Variants in NFATC3 observed in about 807,000 individuals in gnomAD.
The protein encoded by NFATC3 is nuclear factor of activated T-cells, cytoplasmic 3.
Under a neutral mutation model 98.6 loss-of-function variants are expected in NFATC3, and 46 were observed. That is an observed-to-expected ratio of 0.47 (90% CI 0.37 to 0.60). The LOEUF is 0.60. NFATC3 is among the 20% of genes least tolerant of loss of function. NFATC3 has a pLI of 0.00. For missense variants in NFATC3, 1,256 were observed against 1,295.5 expected (o/e 0.97, Z 0.47); for synonymous variants, 512 against 472.2 (o/e 1.08, Z -1.09).
chr16:68,107,830 C>CT (rs1305466787), intron 1 of NFATC3, among the ~76,000 whole-genome samples: 5 of 151,102 alleles, frequency 3.3e-5, no homozygotes, highest in Non-Finnish European at 3.0e-5. Context: ...TGATGTTGAG[C>CT]TTTTTTTATG....
At chr16:68,168,125 G>T (rs868857320) in intron 5 of NFATC3, among the ~76,000 whole-genome samples, 1 of 147,602 alleles carries the variant, frequency 6.8e-6, no homozygotes, top group Non-Finnish European at 1.5e-5. Context: ...GAGCCACTGC[G>T]CCCGGCCAAA....
rs759491109 is a variant in NFATC3 at position 68,122,925 on chromosome 16, G to A, written c.1042G>A (p.Ala348Thr). The change falls in exon 2 of 10, where the codon GCT (alanine) becomes ACT (threonine). Residue 348 changes from alanine (A) to threonine (T), a missense_variant. Ala to Thr is a moderately conservative substitution (Grantham distance 58). This residue lies in a region of NFATC3 where 464 missense variants were observed against 465.7 expected (regional missense o/e 1.00). Transcript: ENST00000346183. ...AACAAGGAAAACTTCTGAAGATCAA[G>A]CTGCCATACTACCAGGAAAATTAGA... ...LKTRKTSEDQ[A>T]AILPGKLELC... 1.2e-4 allele frequency: 190 copies of A among 1,614,050 alleles called. 2 individuals carry two copies. The South Asian group carries it at 2.0e-3, about 17-fold the overall frequency.
chr16:68,097,528 G>GA (rs1476231174), intron 1 of NFATC3, among the ~76,000 whole-genome samples: 1 of 152,212 alleles, frequency 6.6e-6, no homozygotes, highest in Admixed American at 6.5e-5. Flanking sequence ...GGGCATGGAT[G>GA]AAGTCACTGC....
chr16:68,098,892 TA>T (rs1307285445), intron 1 of NFATC3, among the ~76,000 whole-genome samples: 3 of 152,196 alleles, frequency 2.0e-5, no homozygotes, highest in Non-Finnish European at 2.9e-5. Context: ...TTGAAATAAT[TA>T]ATAGATCCAC....
chr16:68,157,751 A>G (rs1056028748), intron 3 of NFATC3, 118 bp from the exon 4 acceptor site: 2 of 754,674 alleles, frequency 2.7e-6, no homozygotes, highest in African/African-American at 3.7e-5. Context: ...ATTTTTTGAA[A>G]TAACATTTTG....
At chr16:68,170,678 A>C (rs2039419293) in intron 5 of NFATC3, among the ~76,000 whole-genome samples, 1 of 151,952 alleles carries the variant, frequency 6.6e-6, no homozygotes, top group African/African-American at 2.4e-5. Flanking sequence ...TTTTTAGTAG[A>C]GATGGGGTTT....
chr16:68,113,263 G>A (rs972649591), intron 1 of NFATC3, among the ~76,000 whole-genome samples: 15 of 152,066 alleles, frequency 9.9e-5, no homozygotes, highest in African/African-American at 2.9e-4. Flanking sequence ...CTTTGGATAG[G>A]GTTTTTGTGG....
At chr16:68,218,956 C>T (rs142355524) in intron 9 of NFATC3, among the ~76,000 whole-genome samples, 3 of 151,628 alleles carry the variant, frequency 2.0e-5, no homozygotes, top group African/African-American at 7.2e-5. Context: ...AACAACATCT[C>T]GGCTGGGCAC....
At chr16:68,105,814 A>ATC (rs779160428) in intron 1 of NFATC3, among the ~76,000 whole-genome samples, 5 of 152,062 alleles carry the variant, frequency 3.3e-5, no homozygotes, top group Non-Finnish European at 7.4e-5. Context: ...TAATCTCTGT[A>ATC]TATCTAGGAG....
Position 68,126,333 on chromosome 16 carries a change from A to G in NFATC3, c.1239-115A>G. 4.4e-6 allele frequency: 4 copies of G among 912,962 alleles called. No homozygotes were observed. The Admixed American group carries it at 1.0e-4, about 24-fold the overall frequency. 56.6% of individuals were successfully genotyped at this position (912,962 alleles called of 1,614,324 possible). A position where few individuals can be genotyped will look rare whatever the true frequency, so the allele number is the denominator to read the frequency against. On this transcript the variant is annotated intron_variant, in intron 2 of 9. Transcript: ENST00000346183. ...TTACTAAATGAAGTTTTATTTTGTA[A>G]TACATTGTTTCAAAGATCAAAGGAA...
At chr16:68,195,794 C>CCT (rs914905195) in intron 9 of NFATC3, among the ~76,000 whole-genome samples, 1 of 152,116 alleles carries the variant, frequency 6.6e-6, no homozygotes, top group African/African-American at 2.4e-5. Context: ...GGCAACAGTG[C>CCT]AAGACTCCGT....
chr16:68,182,967 C>T (rs2040010723), intron 7 of NFATC3, among the ~76,000 whole-genome samples: 1 of 152,184 alleles, frequency 6.6e-6, no homozygotes, highest in Non-Finnish European at 1.5e-5. Flanking sequence ...TAAAACATCT[C>T]ACTACATAGT....
At chr16:68,217,893 G>A in intron 9 of NFATC3, 1 of 1,225,780 alleles carries the variant, frequency 8.2e-7, no homozygotes, top group Non-Finnish European at 1.0e-6. Flanking sequence ...GGGGAAGCCA[G>A]GAAATATACT....
At chr16:68,107,106 A>G (rs2151474227) in intron 1 of NFATC3, among the ~76,000 whole-genome samples, 1 of 152,258 alleles carries the variant, frequency 6.6e-6, no homozygotes, top group East Asian at 1.9e-4. Context: ...ACAGTATTCC[A>G]TGGTGTATGT....
intron 5 of NFATC3, 66 bp from the exon 6 acceptor site, chr16:68,174,306 ATT>A (rs2039593296): frequency 1.7e-6 from 2 of 1,211,832 alleles, no homozygotes; most frequent in South Asian, 5.7e-5. Context: ...TGAGTTTGTC[ATT>A]TATGTATCAA....
intron 3 of NFATC3, among the ~76,000 whole-genome samples, chr16:68,126,850 G>A (rs1034580610): frequency 2.0e-5 from 3 of 152,082 alleles, no homozygotes; most frequent in Non-Finnish European, 2.9e-5. Context: ...GATTACAGTG[G>A]CCAAATAGCC....
At chr16:68,104,053 G>A (rs2035511585) in intron 1 of NFATC3, among the ~76,000 whole-genome samples, 1 of 152,180 alleles carries the variant, frequency 6.6e-6, no homozygotes, top group Non-Finnish European at 1.5e-5. Context: ...ATAAATTTGA[G>A]GATTGGCTTT....
intron 9 of NFATC3, among the ~76,000 whole-genome samples, chr16:68,205,168 G>C (rs1285891960): frequency 6.6e-6 from 1 of 152,028 alleles, no homozygotes; most frequent in Non-Finnish European, 1.5e-5. Context: ...TTAAGTCCTT[G>C]ATAATCATGT....
chr16:68,223,863 CTA>C (rs2041949839), intron 9 of NFATC3, among the ~76,000 whole-genome samples: 1 of 144,790 alleles, frequency 6.9e-6, no homozygotes, highest in African/African-American at 2.6e-5. Context: ...CCGCTGCACT[CTA>C]GCCTCGGTGA....
Sources: gnomAD v4.1 joint callset for allele counts (sites outside exome capture counted in the v4.1 genomes callset) on GRCh38, gnomAD v4.1.1 for gene constraint, gnomAD v4.1.1 regional missense constraint, MANE v1.5 for transcripts, NCBI Gene and HGNC (gene_info 2026-07-23, HGNC 2026-07-21) for gene names.